The following DCC variants were observed in gnomAD, a reference collection of about 807,000 sequenced individuals.
DCC encodes DCC netrin 1 receptor.
In DCC, 58 loss-of-function variants were observed where a neutral mutation model predicts 172.5. That is an observed-to-expected ratio of 0.34 (90% CI 0.27 to 0.42). The LOEUF (loss-of-function observed/expected upper bound fraction) is 0.42, where lower values mean the gene tolerates loss of function less well. Ranked by LOEUF, DCC falls within the 10% of genes least tolerant of loss-of-function variation. The pLI, the probability that DCC is intolerant of heterozygous loss-of-function variation, is 1.00. For synonymous variants in DCC, 709 were observed against 644.5 expected, an observed-to-expected ratio of 1.10 and a Z score of -1.52; for missense variants, 1,740 against 1,791.0, an observed-to-expected ratio of 0.97 and a Z score of 0.51.
intron 1 of DCC, among the ~76,000 whole-genome samples, chr18:52,485,499 C>G (rs75495408): frequency 0.01 from 1,549 of 152,174 alleles, 12 homozygotes; most frequent in Middle Eastern, 0.017. Flanking sequence ...GTATTTTAGT[C>G]TAGCAGATAA....
At chr18:53,416,258 C>G (rs1357052766) in intron 21 of DCC, 102 bp downstream of exon 21, 2 of 835,052 alleles carry the variant, frequency 2.4e-6, no homozygotes, top group Non-Finnish European at 4.1e-6. Context: ...GGACCATACA[C>G]CTGATGAAGC....
At chr18:53,079,148 A>T (rs2042763845) in intron 7 of DCC, among the ~76,000 whole-genome samples, 1 of 152,136 alleles carries the variant, frequency 6.6e-6, no homozygotes, top group Non-Finnish European at 1.5e-5. Context: ...TATGTAGCTT[A>T]TTTCATATTC....
chr18:53,309,337 C>A (rs1395751369), intron 13 of DCC, among the ~76,000 whole-genome samples: 2 of 152,118 alleles, frequency 1.3e-5, no homozygotes, highest in African/African-American at 4.8e-5. Flanking sequence ...CTGTGCCTGG[C>A]CTCTCTCCTC....
At chr18:53,156,671 C>G (rs57983423) in intron 7 of DCC, among the ~76,000 whole-genome samples, 335 of 152,198 alleles carry the variant, frequency 2.2e-3, no homozygotes, top group African/African-American at 7.6e-3. Flanking sequence ...TTATGGCCCT[C>G]TTAGCTCTTC....
chr18:52,493,448 T>G (rs765741902), intron 1 of DCC, among the ~76,000 whole-genome samples: 1 of 152,084 alleles, frequency 6.6e-6, no homozygotes, highest in Non-Finnish European at 1.5e-5. Flanking sequence ...TCCTGGAAAC[T>G]CTTCAAACAG....
intron 1 of DCC, among the ~76,000 whole-genome samples, chr18:52,558,378 TC>T (rs2032962310): frequency 6.6e-6 from 1 of 152,110 alleles, no homozygotes; most frequent in African/African-American, 2.4e-5. Context: ...ACACATATTG[TC>T]TAATTGCTTT....
At chr18:53,003,533 T>C (rs2041598507) in intron 5 of DCC, among the ~76,000 whole-genome samples, 1 of 152,132 alleles carries the variant, frequency 6.6e-6, no homozygotes, top group Non-Finnish European at 1.5e-5. Flanking sequence ...TTATTAATCA[T>C]GAAAGTTGTA....
intron 1 of DCC, among the ~76,000 whole-genome samples, chr18:52,644,839 AGGAG>A (rs1315094834): frequency 3.5e-5 from 5 of 142,136 alleles, no homozygotes; most frequent in African/African-American, 1.3e-4. Flanking sequence ...GAGGGAGGGA[AGGAG>A]GGAGGGAAGG....
At chr18:52,758,506 ATAAT>A (rs2037110717) in intron 2 of DCC, among the ~76,000 whole-genome samples, 3 of 152,296 alleles carry the variant, frequency 2.0e-5, no homozygotes, top group African/African-American at 2.4e-5. Context: ...TTTTTAAAAA[ATAAT>A]TAATTACTTG....
intron 2 of DCC, among the ~76,000 whole-genome samples, chr18:52,808,193 A>G (rs912261729): frequency 8.5e-5 from 13 of 152,188 alleles, no homozygotes; most frequent in African/African-American, 2.7e-4. Flanking sequence ...GTGTTTAGGC[A>G]CTATCTACCT....
intron 1 of DCC, among the ~76,000 whole-genome samples, chr18:52,732,072 C>A (rs2036650722): frequency 6.6e-6 from 1 of 152,114 alleles, no homozygotes; most frequent in South Asian, 2.1e-4. Context: ...TTTAAGGAAG[C>A]CTAGACTTCT....
intron 1 of DCC, among the ~76,000 whole-genome samples, chr18:52,445,330 G>A (rs1236184249): frequency 6.6e-6 from 1 of 152,116 alleles, no homozygotes; most frequent in African/African-American, 2.4e-5. Flanking sequence ...TGGAACAGCA[G>A]GCGTATTACC....
intron 23 of DCC, among the ~76,000 whole-genome samples, chr18:53,454,905 A>T (rs1279438490): frequency 2.0e-5 from 3 of 152,060 alleles, no homozygotes; most frequent in African/African-American, 7.2e-5. Context: ...CCATCTCAGA[A>T]TTTTTTCTGA....
intron 7 of DCC, among the ~76,000 whole-genome samples, chr18:53,092,444 G>C (rs945660439): frequency 6.6e-6 from 1 of 152,086 alleles, no homozygotes; most frequent in African/African-American, 2.4e-5. Context: ...GGTTAGACAT[G>C]GACTTTATAA....
At chr18:53,451,713 C>CTCTCTCTCTCTCTCTCTCTCCA (rs2045415691) in intron 23 of DCC, among the ~76,000 whole-genome samples, 2 of 150,098 alleles carry the variant, frequency 1.3e-5, no homozygotes, top group African/African-American at 2.4e-5. Flanking sequence ...CGCTCTTGCT[C>CTCTCTCTCTCTCTCTCTCTCCA]TCTCTCTCTC....
At chr18:53,022,402 G>A (rs912423289) in intron 5 of DCC, among the ~76,000 whole-genome samples, 1 of 151,918 alleles carries the variant, frequency 6.6e-6, no homozygotes, top group African/African-American at 2.4e-5. Flanking sequence ...TATCTTATGA[G>A]ATAGTTGGAA....
At chr18:53,429,895 T>C (rs1209762798) in intron 21 of DCC, among the ~76,000 whole-genome samples, 1 of 152,144 alleles carries the variant, frequency 6.6e-6, no homozygotes, top group East Asian at 1.9e-4. Context: ...TTAGTTCTTT[T>C]CTATTAAAAT....
chr18:53,435,897 A>G (rs1258610505), intron 22 of DCC, among the ~76,000 whole-genome samples: 3 of 152,114 alleles, frequency 2.0e-5, no homozygotes, highest in African/African-American at 7.2e-5. Flanking sequence ...ATACTGGCCA[A>G]ATTTTCAGGG....
intron 12 of DCC, among the ~76,000 whole-genome samples, chr18:53,232,417 CT>C (rs1486925891): frequency 6.6e-6 from 1 of 152,072 alleles, no homozygotes; most frequent in African/African-American, 2.4e-5. Flanking sequence ...GTCACATTAT[CT>C]TATGGACTTA....
Sources: gnomAD v4.1 joint callset for allele counts (sites outside exome capture counted in the v4.1 genomes callset) on GRCh38, gnomAD v4.1.1 for gene constraint, MANE v1.5 for transcripts, NCBI Gene and HGNC (gene_info 2026-07-23, HGNC 2026-07-21) for gene names.